The following HHIPL1 variants were observed in gnomAD, a reference collection of about 807,000 sequenced individuals.
HHIPL1 encodes HHIP like 1.
Under a neutral mutation model 61.8 loss-of-function variants are expected in HHIPL1, and 43 were observed. The observed-to-expected ratio is 0.70, with a 90% CI of 0.55 to 0.90. HHIPL1 has a LOEUF of 0.90. Among genes scored for constraint, HHIPL1 ranks in the 40% least tolerant of loss-of-function variants. HHIPL1 has a pLI of 0.00. For missense variants in HHIPL1, 1,056 were observed against 1,157.7 expected, an observed-to-expected ratio of 0.91 and a Z score of 1.28; for synonymous variants, 482 against 515.8, an observed-to-expected ratio of 0.93 and a Z score of 0.89.
At chr14:99,659,848 C>CT in intron 4 of HHIPL1, 92 bp downstream of exon 4, 2 of 442,854 alleles carry the variant, frequency 4.5e-6, no homozygotes, top group South Asian at 4.6e-5. Context: ...GAGACCGCAC[C>CT]CCCCCCCCCC....
upstream of HHIPL1, among the ~76,000 whole-genome samples, chr14:99,641,083 C>T (rs1238748531): frequency 6.6e-6 from 1 of 151,736 alleles, no homozygotes; most frequent in East Asian, 1.9e-4. Flanking sequence ...GACTGGGTTT[C>T]GCCATGTTGG....
the HHIPL1 span, among the ~76,000 whole-genome samples, chr14:99,610,488 G>A: frequency 3.3e-5 from 5 of 152,264 alleles, no homozygotes; most frequent in South Asian, 6.2e-4. Flanking sequence ...GACCAGGCAC[G>A]GTGGCTCACA....
intron 5 of HHIPL1, among the ~76,000 whole-genome samples, chr14:99,661,105 C>T (rs2056144125): frequency 6.7e-6 from 1 of 149,262 alleles, no homozygotes; most frequent in African/African-American, 2.5e-5. Context: ...TCGAGTCAGG[C>T]TCTGTCCCCA....
At chr14:99,646,876 C>T (rs766575884) in intron 1 of HHIPL1, among the ~76,000 whole-genome samples, 10 of 143,466 alleles carry the variant, frequency 7.0e-5, no homozygotes, top group Non-Finnish European at 1.2e-4. Context: ...TAATATGATA[C>T]ATAAAATAAA....
intron 2 of HHIPL1, among the ~76,000 whole-genome samples, chr14:99,654,288 C>T (rs937127464): frequency 6.6e-6 from 1 of 151,898 alleles, no homozygotes; most frequent in East Asian, 1.9e-4. Context: ...ACCCCTTGGG[C>T]CGGGAGGACA....
At chr14:99,662,397 G>T (rs997550657) in intron 5 of HHIPL1, among the ~76,000 whole-genome samples, 5 of 152,224 alleles carry the variant, frequency 3.3e-5, no homozygotes, top group African/African-American at 1.2e-4. Flanking sequence ...TGCTTGGCAG[G>T]TTCTGAAACC....
chr14:99,668,919 G>A lies in HHIPL1; in HGVS notation c.1730+616G>A, dbSNP rs1445683345. 6.2e-7 allele frequency: 1 copy of A among 1,612,038 alleles called. No homozygotes were observed. The highest frequency in any genetic ancestry group is 8.5e-7 in the Non-Finnish European group (1 of 1,178,210). On this transcript the variant is annotated intron_variant, in intron 7 of 8. Transcript: ENST00000330710. The surrounding 1 kb of genome is among the most constrained non-coding windows in gnomAD (Gnocchi z 4.7). ...CGTCTCAGCCGTTCATTTTACAGTG[G>A]TGGAAATGAGCACAAAGACACGAAG...
At chr14:99,615,592 AAG>A in the HHIPL1 span, among the ~76,000 whole-genome samples, 291 of 151,450 alleles carry the variant, frequency 1.9e-3, no homozygotes, top group African/African-American at 5.6e-3. Context: ...AGAAGAAAGA[AAG>A]AGAGAGAGAG....
At chr14:99,673,329 C>T (rs1221172342) in intron 8 of HHIPL1, among the ~76,000 whole-genome samples, 1 of 151,540 alleles carries the variant, frequency 6.6e-6, no homozygotes, top group African/African-American at 2.4e-5. Context: ...GTTTCTGGCA[C>T]TTTTGTTAGT....
chr14:99,609,012 T>C, the HHIPL1 span, among the ~76,000 whole-genome samples: 2 of 152,218 alleles, frequency 1.3e-5, no homozygotes, highest in African/African-American at 4.8e-5. Context: ...GCTGTGACTC[T>C]GGTTCTGTGA....
chr14:99,637,914 A>G, the HHIPL1 span, among the ~76,000 whole-genome samples: 1 of 152,130 alleles, frequency 6.6e-6, no homozygotes, highest in African/African-American at 2.4e-5. Context: ...CAGAGCCAGA[A>G]CTCGAACCCA....
the HHIPL1 span, among the ~76,000 whole-genome samples, chr14:99,614,561 C>G: frequency 2.0e-5 from 3 of 152,308 alleles, no homozygotes; most frequent in East Asian, 5.8e-4. Flanking sequence ...CAGACCAAGT[C>G]CATCAGAATC....
At chr14:99,629,443 G>A in the HHIPL1 span, among the ~76,000 whole-genome samples, 3 of 152,258 alleles carry the variant, frequency 2.0e-5, no homozygotes, top group Admixed American at 6.5e-5. Context: ...CCTGGGAGGC[G>A]GGGGCAGGGG....
At chr14:99,673,582 G>GATGGCACTGAGTGGGT (rs1026661811) in intron 8 of HHIPL1, among the ~76,000 whole-genome samples, 3 of 39,098 alleles carry the variant, frequency 7.7e-5, no homozygotes, top group African/African-American at 2.5e-4. Flanking sequence ...CAGCTAGGGG[G>GATGGCACTGAGTGGGT]ATGGCACTGA....
At chr14:99,637,795 G>T in the HHIPL1 span, among the ~76,000 whole-genome samples, 1 of 152,018 alleles carries the variant, frequency 6.6e-6, no homozygotes, top group East Asian at 1.9e-4. Context: ...CATACTACAC[G>T]CCAGGCACTC....
chr14:99,626,066 C>A, the HHIPL1 span, among the ~76,000 whole-genome samples: 1 of 151,996 alleles, frequency 6.6e-6, no homozygotes, highest in South Asian at 2.1e-4. Flanking sequence ...GAGGATCGGG[C>A]GGCCTGATGC....
chr14:99,658,713 T>C (rs964098344), intron 3 of HHIPL1, among the ~76,000 whole-genome samples: 2 of 152,134 alleles, frequency 1.3e-5, no homozygotes, highest in Admixed American at 6.5e-5. Flanking sequence ...TGAGCTATCC[T>C]CCTTAGCTGC....
chr14:99,648,621 T>A (rs60372749), intron 1 of HHIPL1, among the ~76,000 whole-genome samples: 5,314 of 152,260 alleles, frequency 0.035, 295 homozygotes, highest in African/African-American at 0.12. Flanking sequence ...CCCTGTAAGC[T>A]ACAAGATTCA....
chr14:99,617,943 A>G, the HHIPL1 span, among the ~76,000 whole-genome samples: 1 of 152,178 alleles, frequency 6.6e-6, no homozygotes, highest in African/African-American at 2.4e-5. Context: ...GGGGGTCTGT[A>G]GCAGATTTCT....
Sources: gnomAD v4.1 joint callset for allele counts (sites outside exome capture counted in the v4.1 genomes callset) on GRCh38, gnomAD v4.1.1 for gene constraint, Gnocchi (gnomAD v3.1) non-coding constraint, MANE v1.5 for transcripts, NCBI Gene and HGNC (gene_info 2026-07-23, HGNC 2026-07-21) for gene names.